DPP9: variants seen among roughly 807,000 people sequenced by gnomAD.
The protein encoded by DPP9 is dipeptidyl peptidase IV-related protein-2.
A neutral mutation model predicts 110.7 loss-of-function variants in DPP9; 50 were observed. That is an observed-to-expected ratio of 0.45 (90% confidence interval 0.36 to 0.57). The LOEUF (loss-of-function observed/expected upper bound fraction) is 0.57, where lower values mean the gene tolerates loss of function less well. Among genes scored for constraint, DPP9 ranks in the 20% least tolerant of loss-of-function variants. The pLI, the probability that DPP9 is intolerant of heterozygous loss-of-function variation, is 0.00. For missense variants in DPP9, 1,022 were observed against 1,217.9 expected, an observed-to-expected ratio of 0.84 and a Z score of 2.39; for synonymous variants, 561 against 514.4, an observed-to-expected ratio of 1.09 and a Z score of -1.23.
Position 4,675,254 on chromosome 19 carries a change from T to C in DPP9, c.*1310A>G, listed in dbSNP as rs1457741023. 1 of 152,574 alleles carries C rather than the reference T, an allele frequency of 6.6e-6. No homozygotes were observed. The highest frequency in any genetic ancestry group is 2.4e-5 in the African/African-American group (1 of 41,426). 9.5% of individuals were successfully genotyped at this position (152,574 alleles called of 1,614,324 possible). ...TGTTTCCAACTGGAATCGTTTAATGTGTCTACTTCTTCCACGCATAATTAT... is the reference window on the plus strand; with the variant it reads ...TGTTTCCAACTGGAATCGTTTAATGCGTCTACTTCTTCCACGCATAATTAT... On this transcript the variant is annotated 3_prime_UTR_variant, in exon 22 of 22. Coordinates refer to ENST00000262960, the MANE Select transcript of DPP9 (RefSeq NM_139159.5).
Position 4,683,514 on chromosome 19 carries a change from G to A in DPP9, c.2294C>T (p.Ser765Leu). The change falls in exon 19 of 22, where the codon TCG (serine) becomes TTG (leucine). Residue 765 changes from serine to leucine, a missense_variant. Coordinates refer to ENST00000262960, the MANE Select transcript of DPP9 (RefSeq NM_139159.5). ...GGGCTTGTGGATTAGCCCCATGAGC[G>A]AGAGGAAGCCCCCGTAGGACCAGCC... ...IHGWSYGGFL[S>L]LMGLIHKPQV... 4 of 1,613,282 alleles carry A rather than the reference G, an allele frequency of 2.5e-6. No individual in the cohort carries two copies. Among genetic ancestry groups the A allele is most frequent in the Non-Finnish European group, 2.5e-6 (3 of 1,179,854 alleles).
Position 4,685,968 on chromosome 19 carries a change from T to C in DPP9, c.1886-197A>G. 1.7e-6 allele frequency: 1 copy of C among 578,050 alleles called. No individual in the cohort carries two copies. The highest frequency in any genetic ancestry group is 2.1e-5 in the South Asian group (1 of 46,862). 35.8% of individuals were successfully genotyped at this position (578,050 alleles called of 1,614,324 possible). On this transcript the variant is annotated intron_variant, in intron 16 of 21. Coordinates refer to ENST00000262960, the MANE Select transcript of DPP9 (RefSeq NM_139159.5). The surrounding 1 kb of genome is among the most constrained non-coding windows in gnomAD (Gnocchi z 5.8). ...TTGTACAGTTTTTGTAGAGATGGGG[T>C]CTTGTCTCCCTGTTGCCCAGGCTGG...
At chr19:4,683,422 A>G in intron 19 of DPP9, 55 bp downstream of exon 19, 1 of 1,604,424 alleles carries the variant, frequency 6.2e-7, no homozygotes, top group Non-Finnish European at 8.5e-7. Context: ...CGCGGCGTAG[A>G]TGGGGAAGGG....
Position 4,698,974 on chromosome 19 carries a change from C to T in DPP9, c.1074+1242G>A, listed in dbSNP as rs533406739. Among the ~76,000 whole-genome samples the T allele has an allele frequency of 2.9e-4, 44 of 151,780 alleles. No individual in the cohort carries two copies. Among genetic ancestry groups the T allele is most frequent in the East Asian group, 7.8e-4 (4 of 5,124 alleles). Reference sequence around the variant, plus strand: ...GAGATTGAGACCGTCCTGGCTAACACGGTGAAACCCCGTCTCTAATAAAAA... The same window carrying T: ...GAGATTGAGACCGTCCTGGCTAACATGGTGAAACCCCGTCTCTAATAAAAA... On this transcript the variant is annotated intron_variant, in intron 10 of 21. Coordinates refer to ENST00000262960, the MANE Select transcript of DPP9 (RefSeq NM_139159.5). The surrounding 1 kb of genome is among the most constrained non-coding windows in gnomAD (Gnocchi z 4.2).
Position 4,695,623 on chromosome 19 carries a change from TG to T in DPP9, c.1176-69del. 3 of 1,341,596 alleles carry T rather than the reference TG, an allele frequency of 2.2e-6. No individual in the cohort carries two copies. The highest frequency in any genetic ancestry group is 3.0e-6 in the Non-Finnish European group (3 of 1,016,830). 83.1% of individuals were successfully genotyped at this position (1,341,596 alleles called of 1,614,324 possible). On this transcript the variant is annotated intron_variant, in intron 11 of 21. Coordinates refer to ENST00000262960, the MANE Select transcript of DPP9 (RefSeq NM_139159.5). The surrounding 1 kb of genome is among the most constrained non-coding windows in gnomAD (Gnocchi z 4.7). ...GCCTCAGTGGCCTGCACAGAGAAGCTGGGGACGCAGCGTCCAAACCCGTGTG... is the reference window on the plus strand; with the variant it reads ...GCCTCAGTGGCCTGCACAGAGAAGCTGGGACGCAGCGTCCAAACCCGTGTG...
rs371118843 is a variant in DPP9, at chr19:4,704,157, G to A, written c.574C>T (p.Arg192Cys). The change falls in exon 6 of 22, where the codon CGC becomes TGC. Residue 192 changes from arginine to cysteine, a missense_variant. Physicochemically the swap from Arg to Cys is radical, Grantham distance 180 (BLOSUM62 -3). This residue lies in a region of DPP9 where 810 missense variants were observed against 920.6 expected (regional missense o/e 0.88). Transcript: ENST00000262960. The surrounding 1 kb of genome is among the most constrained non-coding windows in gnomAD (Gnocchi z 6.0). Reference sequence around the variant, plus strand: ...ATGAAGCCGTTCTTGCCGCCGTCGCGGCAGTGGAAGAGGCTGTTGCTGGCC... The same window carrying A: ...ATGAAGCCGTTCTTGCCGCCGTCGCAGCAGTGGAAGAGGCTGTTGCTGGCC... ...FQASNSLFHCRDGGKNGFMVS... is the reference protein window; with the variant it reads ...FQASNSLFHCCDGGKNGFMVS... 8.6e-5 allele frequency: 139 copies of A among 1,613,878 alleles called. No homozygotes were observed. Among genetic ancestry groups the A allele is most frequent in the Middle Eastern group, 8.2e-4 (5 of 6,084 alleles).
rs577697927 is a variant in DPP9 at position 4,707,018 on chromosome 19, G to A, written c.314-1048C>T. 3.3e-5 allele frequency among the ~76,000 whole-genome samples: 5 copies of A among 152,282 alleles called. No homozygotes were observed. The South Asian group carries it at 1.0e-3, about 32-fold the overall frequency. ...CACATATCCCCAGGCATCTCCCAGTGTCCCCTGCAGGGGCAGAATCACCCC... is the reference window on the plus strand; with the variant it reads ...CACATATCCCCAGGCATCTCCCAGTATCCCCTGCAGGGGCAGAATCACCCC... On this transcript the variant is annotated intron_variant, in intron 4 of 21. Coordinates refer to ENST00000262960, the MANE Select transcript of DPP9 (RefSeq NM_139159.5).
Position 4,685,604 on chromosome 19 carries a change from T to C in DPP9, c.2031+22A>G. 6.3e-7 allele frequency: 1 copy of C among 1,584,802 alleles called. No individual in the cohort carries two copies. The highest frequency in any genetic ancestry group is 1.1e-5 in the South Asian group (1 of 87,838). On this transcript the variant is annotated intron_variant, in intron 17 of 21. Transcript: ENST00000262960. This position sits in a 1 kb window ranked among gnomAD's most constrained non-coding sequence, Gnocchi z 5.8. ...TCGGGTGGATGGTGGGGTGGGGGCC[T>C]GGGGAGCAGGTGTGCACTCACCTGG...
intron 7 of DPP9, among the ~76,000 whole-genome samples, chr19:4,703,305 G>A (rs914691314): frequency 3.3e-5 from 5 of 152,098 alleles, no homozygotes; most frequent in Admixed American, 6.6e-5. Context: ...CCAGAGCACC[G>A]TGGCTGGGCT....
chr19:4,698,544 G>A lies in DPP9; in HGVS notation c.1075-893C>T, dbSNP rs150352862. Among the ~76,000 whole-genome samples, 1,876 of 152,210 alleles carry A rather than the reference G, an allele frequency of 0.012. 43 individuals are homozygous for A. The highest frequency in any genetic ancestry group is 0.043 in the African/African-American group (1,784 of 41,536). On this transcript the variant is annotated intron_variant, in intron 10 of 21. Coordinates refer to ENST00000262960, the MANE Select transcript of DPP9 (RefSeq NM_139159.5). This position sits in a 1 kb window ranked among gnomAD's most constrained non-coding sequence, Gnocchi z 4.2. ...AGGCAGGTGGATCACTTGAGGTCAG[G>A]AGTTCGAGACCAGCCTGGGGAACAT...
intron 21 of DPP9, among the ~76,000 whole-genome samples, chr19:4,677,407 G>A (rs1023850291): frequency 5.9e-5 from 9 of 152,242 alleles, no homozygotes; most frequent in Non-Finnish European, 1.2e-4. Context: ...GCAGGGGCAG[G>A]TGGCCCATCT....
Position 4,719,841 on chromosome 19 carries a change from C to T in DPP9, c.56+10G>A. The T allele has an allele frequency of 1.3e-6, 2 of 1,551,740 alleles. No individual in the cohort carries two copies. The highest frequency in any genetic ancestry group is 1.7e-6 in the Non-Finnish European group (2 of 1,146,996). On this transcript the variant is annotated intron_variant, in intron 3 of 21. Transcript: ENST00000262960. The stretch of plus-strand genomic sequence containing the variant: ...TCCTCACGGATCAGGGCCTCCGAGG[C>T]CAACCTCACCTTCTCCAACTTCCGG...
At position 4,684,442 on chromosome 19, in the gene DPP9, C is replaced by T. The variant is rs1219255051; in HGVS notation, c.2178+221G>A. On this transcript the variant is annotated intron_variant, in intron 18 of 21. Transcript: ENST00000262960. The surrounding 1 kb of genome is among the most constrained non-coding windows in gnomAD (Gnocchi z 4.8). The stretch of plus-strand genomic sequence containing the variant: ...ACCGTCGTCATCACCAGTGTCAGCA[C>T]AACTTGTCTCTGTCCCTGCAGGGCG... 3.4e-6 allele frequency: 2 copies of T among 586,900 alleles called. No homozygotes were observed. Among genetic ancestry groups the T allele is most frequent in the African/African-American group, 1.9e-5 (1 of 53,558 alleles). The allele number at this position is 586,900 out of a possible 1,614,324, so 36.4% of individuals were successfully genotyped here.
rs965304433 is a variant in DPP9 at position 4,685,335 on chromosome 19, C to A, written c.2031+291G>T. The A allele has an allele frequency of 1.7e-6, 1 of 599,518 alleles. No homozygotes were observed. The highest frequency in any genetic ancestry group is 3.1e-6 in the Non-Finnish European group (1 of 319,374). The allele number at this position is 599,518 out of a possible 1,614,324, so 37.1% of individuals were successfully genotyped here. A position where few individuals can be genotyped will look rare whatever the true frequency, so the allele number is the denominator to read the frequency against. On this transcript the variant is annotated intron_variant, in intron 17 of 21. Coordinates refer to ENST00000262960, the MANE Select transcript of DPP9 (RefSeq NM_139159.5). This position sits in a 1 kb window ranked among gnomAD's most constrained non-coding sequence, Gnocchi z 5.8. ...CCCAGGGCCCATGGCCACCTCCATA[C>A]CAACCTGGAGACTAGGGGACTTCCT...
At chr19:4,706,073 C>T (rs2092568036) in intron 4 of DPP9, 103 bp from the exon 5 acceptor site, 1 of 1,064,630 alleles carries the variant, frequency 9.4e-7, no homozygotes, top group Non-Finnish European at 1.3e-6. Flanking sequence ...GCTTCTAGAA[C>T]ATTCTGCCAG....
intron 16 of DPP9, among the ~76,000 whole-genome samples, chr19:4,688,035 A>G (rs1329286349): frequency 1.3e-5 from 2 of 152,090 alleles, no homozygotes; most frequent in African/African-American, 4.8e-5. Context: ...TGACCTTGTG[A>G]TCCACCCGCC....
intron 3 of DPP9, among the ~76,000 whole-genome samples, chr19:4,716,586 G>A (rs1336267606): frequency 6.6e-6 from 1 of 151,800 alleles, no homozygotes. Flanking sequence ...GCAGTGAGCC[G>A]AGATCGTGCC....
chr19:4,702,185 G>C (rs1217872904), intron 8 of DPP9, 30 bp from the exon 9 acceptor site: 8 of 1,591,462 alleles, frequency 5.0e-6, no homozygotes, highest in Non-Finnish European at 6.9e-6. Flanking sequence ...AAACTGCTGA[G>C]GGTGCCAGAG....
rs148398571 is a variant in DPP9 at position 4,682,866 on chromosome 19, C to CAGAG, written c.2332-32_2332-29dup. The CAGAG allele has an allele frequency of 5.2e-6, 8 of 1,543,658 alleles. No individual in the cohort carries two copies. The African/African-American group carries it at 9.6e-5, about 19-fold the overall frequency. ...GAGGGACACAGCAGACAGATGGGGGCAGAGAGAGAGAGAGAAACAGGCGTC... is the reference window on the plus strand; with the variant it reads ...GAGGGACACAGCAGACAGATGGGGGCAGAGAGAGAGAGAGAGAGAAACAGGCGTC... On this transcript the variant is annotated intron_variant, in intron 19 of 21. Transcript: ENST00000262960. This position sits in a 1 kb window ranked among gnomAD's most constrained non-coding sequence, Gnocchi z 7.1.
Sources: allele counts gnomAD v4.1 joint callset (sites outside exome capture counted in the v4.1 genomes callset), GRCh38; gene constraint gnomAD v4.1.1; regional missense constraint gnomAD v4.1.1; non-coding constraint Gnocchi (gnomAD v3.1); transcripts MANE v1.5; gene names NCBI Gene and HGNC (gene_info 2026-07-23, HGNC 2026-07-21).